The following FHIT variants were observed in gnomAD, a reference collection of about 807,000 sequenced individuals.
The protein encoded by FHIT is fragile histidine triad diadenosine triphosphatase.
FHIT carries 19 observed loss-of-function variants against 17.9 expected under a neutral mutation model. The observed-to-expected ratio is 1.06, with a 90% CI of 0.74 to 1.56. FHIT has a LOEUF of 1.56. Among genes scored for constraint, FHIT ranks in the 40% most tolerant of loss-of-function variants. The pLI is 0.00. For synonymous variants in FHIT, 81 were observed against 69.7 expected, an observed-to-expected ratio of 1.16 and a Z score of -0.81; for missense variants, 248 against 189.2, an observed-to-expected ratio of 1.31 and a Z score of -1.82.
In FHIT at chr3:59,836,283, G is replaced by A. The variant is rs536928841; in HGVS notation, c.349-83962C>T. Among the ~76,000 whole-genome samples, 19 of 152,266 alleles carry A rather than the reference G, an allele frequency of 1.2e-4. No homozygotes were observed. In the South Asian group the frequency reaches 3.5e-3, roughly 28 times the overall value. ...GCACGATTCCATACTGTTAGGCTGG[G>A]CATTCTTATCCTTTGTGACTGCTGC... On this transcript the variant is annotated intron_variant, in intron 8 of 9. Coordinates refer to ENST00000492590, the MANE Select transcript of FHIT (RefSeq NM_002012.4).
At chr3:60,667,021 A>ATTTTTTTTTTT (rs56071877) in intron 4 of FHIT, among the ~76,000 whole-genome samples, 4 of 34,126 alleles carry the variant, frequency 1.2e-4, no homozygotes, top group African/African-American at 4.1e-4. Flanking sequence ...TGCCTGGTTA[A>ATTTTTTTTTTT]TTTTTTTTTT....
intron 8 of FHIT, among the ~76,000 whole-genome samples, chr3:59,793,488 C>T (rs1471447889): frequency 6.6e-6 from 1 of 152,318 alleles, no homozygotes; most frequent in African/African-American, 2.4e-5. Flanking sequence ...CCCAAGGTCA[C>T]ATGGCCACTG....
chr3:60,365,047 AAT>A (rs143401970), intron 5 of FHIT, among the ~76,000 whole-genome samples: 17,868 of 148,330 alleles, frequency 0.12, 1,495 homozygotes, highest in East Asian at 0.26. Flanking sequence ...TATCTATCTG[AAT>A]ATATATATAT....
At chr3:61,052,329 TAG>T (rs1052387373) in intron 2 of FHIT, among the ~76,000 whole-genome samples, 2 of 152,168 alleles carry the variant, frequency 1.3e-5, no homozygotes, top group Non-Finnish European at 2.9e-5. Flanking sequence ...ATTTTCAGGA[TAG>T]AGAGTATGAC....
intron 4 of FHIT, among the ~76,000 whole-genome samples, chr3:60,553,644 G>A (rs1041083074): frequency 6.6e-6 from 1 of 151,268 alleles, no homozygotes; most frequent in Non-Finnish European, 1.5e-5. Flanking sequence ...ACCTGACCTT[G>A]AGTATTAAAC....
chr3:60,124,668 T>C (rs189621672), intron 5 of FHIT, among the ~76,000 whole-genome samples: 23 of 152,322 alleles, frequency 1.5e-4, no homozygotes, highest in African/African-American at 4.8e-4. Context: ...CAAAGAGCAA[T>C]GCAGCCAAAT....
At chr3:60,564,823 A>G (rs1158972381) in intron 4 of FHIT, among the ~76,000 whole-genome samples, 2 of 152,218 alleles carry the variant, frequency 1.3e-5, no homozygotes, top group Non-Finnish European at 2.9e-5. Flanking sequence ...AAATGACAAC[A>G]AAGAATTTGG....
At chr3:60,217,712 C>T (rs948092449) in intron 5 of FHIT, among the ~76,000 whole-genome samples, 2 of 152,194 alleles carry the variant, frequency 1.3e-5, no homozygotes, top group African/African-American at 4.8e-5. Flanking sequence ...CACTGGCCTT[C>T]CCTCCATTAT....
intron 8 of FHIT, among the ~76,000 whole-genome samples, chr3:59,920,016 A>T (rs927621079): frequency 2.6e-5 from 4 of 152,222 alleles, no homozygotes; most frequent in Non-Finnish European, 4.4e-5. Context: ...AGGCAAAGAG[A>T]AAATTGGGAA....
chr3:60,248,848 CAGA>C (rs1705539625), intron 5 of FHIT, among the ~76,000 whole-genome samples: 1 of 152,096 alleles, frequency 6.6e-6, no homozygotes, highest in South Asian at 2.1e-4. Flanking sequence ...AACCCCAATA[CAGA>C]AGATGTCCTC....
intron 2 of FHIT, among the ~76,000 whole-genome samples, chr3:61,110,928 T>C (rs1372352473): frequency 6.6e-6 from 1 of 152,212 alleles, no homozygotes; most frequent in East Asian, 1.9e-4. Context: ...ATATTCCTAT[T>C]TCTTAAGTTC....
intron 8 of FHIT, among the ~76,000 whole-genome samples, chr3:59,814,644 T>C (rs1700530684): frequency 6.6e-6 from 1 of 152,210 alleles, no homozygotes; most frequent in Non-Finnish European, 1.5e-5. Flanking sequence ...ATTTCTTTCC[T>C]AGGCCACACA....
intron 3 of FHIT, among the ~76,000 whole-genome samples, chr3:60,998,811 C>G (rs998931337): frequency 2.6e-5 from 4 of 151,844 alleles, no homozygotes; most frequent in African/African-American, 9.7e-5. Context: ...TATATAACAC[C>G]TTCATAGTAA....
intron 7 of FHIT, among the ~76,000 whole-genome samples, chr3:59,984,070 C>T (rs1444441933): frequency 3.3e-5 from 5 of 152,128 alleles, no homozygotes; most frequent in African/African-American, 1.2e-4. Flanking sequence ...TACTAAGTAG[C>T]ACACTATCCC....
intron 8 of FHIT, among the ~76,000 whole-genome samples, chr3:59,761,866 G>T (rs1442582602): frequency 6.6e-6 from 1 of 152,130 alleles, no homozygotes; most frequent in Non-Finnish European, 1.5e-5. Context: ...AAAGTTCTGG[G>T]ATTGTAGGTG....
At chr3:60,528,565 T>G (rs2035658330) in intron 5 of FHIT, among the ~76,000 whole-genome samples, 1 of 152,106 alleles carries the variant, frequency 6.6e-6, no homozygotes, top group Admixed American at 6.6e-5. Context: ...AAGAAAGAGT[T>G]CTGTTGGTCT....
rs1553740945 is a variant in FHIT, at chr3:60,826,192, AGG to A, written c.-110-4183_-110-4182del. ...AAGGAAGGAAGGAAGGAAGGAAGGAAGGAAGGAAGGAAGGAAGGAAAGAAGGA... is the reference window on the plus strand; with the variant it reads ...AAGGAAGGAAGGAAGGAAGGAAGGAAAAGGAAGGAAGGAAGGAAAGAAGGA... On this transcript the variant is annotated intron_variant, in intron 3 of 9. Coordinates refer to ENST00000492590, the MANE Select transcript of FHIT (RefSeq NM_002012.4). Among the ~76,000 whole-genome samples, 7 of 144,980 alleles carry A rather than the reference AGG, an allele frequency of 4.8e-5. No homozygotes were observed. In the South Asian group the frequency reaches 1.1e-3, roughly 22 times the overall value.
At chr3:60,152,470 G>A (rs1166227252) in intron 5 of FHIT, among the ~76,000 whole-genome samples, 2 of 152,206 alleles carry the variant, frequency 1.3e-5, no homozygotes, top group Non-Finnish European at 2.9e-5. Context: ...AGAAGGTCAA[G>A]AGATCAGGGT....
In FHIT at chr3:60,854,671, G is replaced by T. The variant is rs113159287; in HGVS notation, c.-110-32660C>A. ...CTCCCTAGGCAAGAAGAGGGGGAAA[G>T]GCAAAGGGGAAAGAGGATGCCAGCC... On this transcript the variant is annotated intron_variant, in intron 3 of 9. Coordinates refer to ENST00000492590, the MANE Select transcript of FHIT (RefSeq NM_002012.4). 4.6e-4 allele frequency among the ~76,000 whole-genome samples: 69 copies of T among 151,630 alleles called. 1 individual carries two copies. Among genetic ancestry groups the T allele is most frequent in the Middle Eastern group, 3.4e-3 (1 of 294 alleles).
Sources: allele counts gnomAD v4.1 joint callset (sites outside exome capture counted in the v4.1 genomes callset), GRCh38; gene constraint gnomAD v4.1.1; transcripts MANE v1.5; gene names NCBI Gene and HGNC (gene_info 2026-07-23, HGNC 2026-07-21).